The following TRABD2B variants were observed in gnomAD, a reference collection of about 807,000 sequenced individuals.
TRABD2B encodes the protein TraB domain containing 2B.
Under a neutral mutation model 40.1 loss-of-function variants are expected in TRABD2B, and 14 were observed. The ratio of observed to expected loss-of-function variants is 0.35; its 90% CI spans 0.23 to 0.55. TRABD2B has a LOEUF of 0.55. TRABD2B is among the 20% of genes least tolerant of loss of function. TRABD2B has a pLI of 0.90. For synonymous variants in TRABD2B, 263 were observed against 277.0 expected, an observed-to-expected ratio of 0.95 and a Z score of 0.50; for missense variants, 541 against 648.6, an observed-to-expected ratio of 0.83 and a Z score of 1.80.
chr1:47,793,672 T>C (rs1364261167), intron 4 of TRABD2B, among the ~76,000 whole-genome samples: 4 of 152,180 alleles, frequency 2.6e-5, no homozygotes, highest in African/African-American at 9.7e-5. Context: ...GAGCAAGAAA[T>C]AAATGTCTGT....
At chr1:47,972,111 GTTA>G in intron 2 of TRABD2B, among the ~76,000 whole-genome samples, 1 of 152,308 alleles carries the variant, frequency 6.6e-6, no homozygotes, top group Middle Eastern at 3.4e-3. Context: ...AAAAATTATT[GTTA>G]TTATTAGCAG....
intron 2 of TRABD2B, among the ~76,000 whole-genome samples, chr1:47,883,937 T>C (rs752543732): frequency 6.6e-6 from 1 of 152,138 alleles, no homozygotes; most frequent in South Asian, 2.1e-4. Context: ...TCTCTCTCCA[T>C]GGGGATTTTA....
intron 6 of TRABD2B, among the ~76,000 whole-genome samples, chr1:47,771,554 C>T (rs1167273032): frequency 6.6e-6 from 1 of 152,212 alleles, no homozygotes; most frequent in Non-Finnish European, 1.5e-5. Flanking sequence ...TAAGAGCTGG[C>T]ATGACCTCCA....
At chr1:47,766,940 C>A (rs535986256) in intron 6 of TRABD2B, among the ~76,000 whole-genome samples, 1 of 152,136 alleles carries the variant, frequency 6.6e-6, no homozygotes, top group Non-Finnish European at 1.5e-5. Context: ...AGGGCAGGAG[C>A]CAACTGGAAG....
intron 2 of TRABD2B, among the ~76,000 whole-genome samples, chr1:47,931,880 A>G (rs911185172): frequency 2.0e-5 from 3 of 152,196 alleles, no homozygotes; most frequent in African/African-American, 7.2e-5. Flanking sequence ...CCAAGTAGTA[A>G]CAAGTGCTGT....
intron 2 of TRABD2B, among the ~76,000 whole-genome samples, chr1:47,863,603 C>G (rs1644010618): frequency 6.6e-6 from 1 of 151,862 alleles, no homozygotes; most frequent in African/African-American, 2.4e-5. Context: ...CTGATAGTGC[C>G]CAGTGCTGGA....
intron 2 of TRABD2B, among the ~76,000 whole-genome samples, chr1:47,804,996 C>A (rs1048111414): frequency 1.7e-4 from 26 of 152,202 alleles, no homozygotes; most frequent in Non-Finnish European, 3.8e-4. Context: ...TTCTGTGGAA[C>A]CCACAGGTAC....
At chr1:47,975,897 G>A (rs1226097320) in intron 2 of TRABD2B, among the ~76,000 whole-genome samples, 1 of 152,168 alleles carries the variant, frequency 6.6e-6, no homozygotes, top group Non-Finnish European at 1.5e-5. Flanking sequence ...ACAAGAGGAA[G>A]GACAGAGGGC....
intron 2 of TRABD2B, among the ~76,000 whole-genome samples, chr1:47,955,744 T>G (rs1645410968): frequency 6.6e-6 from 1 of 152,098 alleles, no homozygotes; most frequent in South Asian, 2.1e-4. Flanking sequence ...GCCTCAGATG[T>G]CTCCAGGACC....
At chr1:47,886,360 G>A (rs576270370) in intron 2 of TRABD2B, among the ~76,000 whole-genome samples, 4 of 152,274 alleles carry the variant, frequency 2.6e-5, no homozygotes, top group South Asian at 2.1e-4. Flanking sequence ...CACTCGGCTC[G>A]GGCTCCCGTG....
chr1:47,836,344 C>T (rs1645318072), intron 2 of TRABD2B, among the ~76,000 whole-genome samples: 1 of 152,212 alleles, frequency 6.6e-6, no homozygotes, highest in Non-Finnish European at 1.5e-5. Flanking sequence ...AGACTGACCT[C>T]CAGTGGACTG....
chr1:47,836,068 T>TA (rs1491576806), intron 2 of TRABD2B, among the ~76,000 whole-genome samples: 3 of 152,308 alleles, frequency 2.0e-5, no homozygotes, highest in Middle Eastern at 6.8e-3. Flanking sequence ...AAAAAGTTTT[T>TA]ATATATTATT....
At chr1:47,834,211 TC>T (rs1645287726) in intron 2 of TRABD2B, among the ~76,000 whole-genome samples, 2 of 152,214 alleles carry the variant, frequency 1.3e-5, no homozygotes, top group Admixed American at 1.3e-4. Context: ...AACAGCATTT[TC>T]CCCAGGGGCG....
chr1:47,839,778 C>T (rs116232397), intron 2 of TRABD2B, among the ~76,000 whole-genome samples: 47 of 152,252 alleles, frequency 3.1e-4, no homozygotes, highest in Admixed American at 5.9e-4. Context: ...GGAGGGCAAC[C>T]GCTTAACTCC....
chr1:47,979,908 G>A (rs1645816501), intron 2 of TRABD2B, among the ~76,000 whole-genome samples: 1 of 152,174 alleles, frequency 6.6e-6, no homozygotes, highest in Non-Finnish European at 1.5e-5. Context: ...AAGCAAGAGG[G>A]TTGGGAAGGT....
intron 2 of TRABD2B, among the ~76,000 whole-genome samples, chr1:47,834,791 G>A (rs1372022498): frequency 1.3e-5 from 2 of 152,130 alleles, no homozygotes; most frequent in African/African-American, 4.8e-5. Flanking sequence ...AACAAATCCT[G>A]AGAAGGGAAG....
At chr1:47,844,180 A>G (rs1000726623) in intron 2 of TRABD2B, among the ~76,000 whole-genome samples, 2 of 152,338 alleles carry the variant, frequency 1.3e-5, no homozygotes, top group South Asian at 2.1e-4. Context: ...CACCGTGCTG[A>G]CCACACTTTA....
At chr1:47,906,263 TA>T (rs1644677199) in intron 2 of TRABD2B, among the ~76,000 whole-genome samples, 1 of 152,208 alleles carries the variant, frequency 6.6e-6, no homozygotes, top group Admixed American at 6.5e-5. Context: ...TGAAGAAACA[TA>T]ACTCATTTAT....
chr1:47,899,069 G>A (rs548368804), intron 2 of TRABD2B, among the ~76,000 whole-genome samples: 1 of 152,326 alleles, frequency 6.6e-6, no homozygotes, highest in African/African-American at 2.4e-5. Flanking sequence ...AGTCTTTCTG[G>A]ATGTGAGACC....
Sources: allele counts gnomAD v4.1 joint callset (sites outside exome capture counted in the v4.1 genomes callset), GRCh38; gene constraint gnomAD v4.1.1; transcripts MANE v1.5; gene names NCBI Gene and HGNC (gene_info 2026-07-23, HGNC 2026-07-21).